TRPC6: variants seen among roughly 807,000 people sequenced by gnomAD.
The protein encoded by TRPC6 is short transient receptor potential channel 6.
A neutral mutation model predicts 90.7 loss-of-function variants in TRPC6; 55 were observed. The observed-to-expected ratio is 0.61, with a 90% CI of 0.49 to 0.76. TRPC6 has a LOEUF of 0.76. TRPC6 is among the 30% of genes least tolerant of loss of function. TRPC6 has a pLI of 0.00. For synonymous variants in TRPC6, 393 were observed against 393.0 expected (o/e 1.00, Z 0.00); for missense variants, 989 against 1,122.7 (o/e 0.88, Z 1.70).
intron 1 of TRPC6, among the ~76,000 whole-genome samples, chr11:101,530,145 C>T (rs1037072253): frequency 2.6e-5 from 4 of 152,178 alleles, no homozygotes; most frequent in Admixed American, 2.0e-4. Context: ...CTGGGAGACA[C>T]ACCCATCTGT....
intron 1 of TRPC6, among the ~76,000 whole-genome samples, chr11:101,572,723 T>C (rs1044877366): frequency 4.6e-5 from 7 of 152,000 alleles, no homozygotes; most frequent in Non-Finnish European, 7.4e-5. Flanking sequence ...ATGGATGAAG[T>C]TGGAAACCAT....
In TRPC6 at chr11:101,452,522, C is replaced by T; in HGVS notation, c.*433G>A. The stretch of plus-strand genomic sequence containing the variant: ...TAAAGGCCCATGGGCTACTTTTTCC[C>T]AAATTTCAGAGCTGGGAGTCCCCAG... On this transcript the variant is annotated 3_prime_UTR_variant, in exon 13 of 13. Transcript: ENST00000344327. 5.6e-6 allele frequency: 1 copy of T among 178,408 alleles called. No individual in the cohort carries two copies. The highest frequency in any genetic ancestry group is 2.7e-3 in the Middle Eastern group (1 of 368). The allele number at this position is 178,408 out of a possible 1,614,324, so 11.1% of individuals were successfully genotyped here.
intron 10 of TRPC6, among the ~76,000 whole-genome samples, chr11:101,463,770 G>A (rs185491817): frequency 6.6e-4 from 100 of 152,182 alleles, no homozygotes; most frequent in Middle Eastern, 3.4e-3. Context: ...TGCATTCACT[G>A]ATTTTTTTGA....
At position 101,453,597 on chromosome 11, in the gene TRPC6, G is replaced by GC; in HGVS notation, c.2644+52dup. 1.9e-6 allele frequency: 3 copies of GC among 1,542,112 alleles called. No individual in the cohort carries two copies. In the Middle Eastern group the frequency reaches 5.1e-4, roughly 261 times the overall value. ...CAGCTCTCCAGGCACTCTGCGCTAG[G>GC]CCCCCGTCCTGACTCACATTCAGGG... is the stretch of plus-strand genomic sequence containing the variant. On this transcript the variant is annotated intron_variant, in intron 12 of 12. Transcript: ENST00000344327.
At chr11:101,538,068 T>C (rs989203685) in intron 1 of TRPC6, among the ~76,000 whole-genome samples, 3 of 152,196 alleles carry the variant, frequency 2.0e-5, no homozygotes, top group African/African-American at 7.2e-5. Flanking sequence ...CTTTGCCTGT[T>C]CACAATTGTT....
At chr11:101,534,578 T>C (rs1262740889) in intron 1 of TRPC6, among the ~76,000 whole-genome samples, 1 of 151,142 alleles carries the variant, frequency 6.6e-6, no homozygotes, top group Non-Finnish European at 1.5e-5. Flanking sequence ...GACAAGGAAG[T>C]TTATTAAAAA....
Position 101,473,510 on chromosome 11 carries a change from T to TTG in TRPC6, c.2006_2007dup (p.Thr670GlnfsTer20). The TTG allele has an allele frequency of 6.2e-7, 1 of 1,613,126 alleles. No homozygotes were observed. The highest frequency in any genetic ancestry group is 8.5e-7 in the Non-Finnish European group (1 of 1,179,400). On this transcript the variant is annotated frameshift_variant and splice_region_variant, in exon 7 of 13. Coordinates refer to ENST00000344327, the MANE Select transcript of TRPC6 (RefSeq NM_004621.6). LOFTEE classifies it high-confidence loss of function. ...ATCAAAATATCTGAGATCACATACG[T>TTG]TGTGAAGGCTTCATTTTGTTTTGCA...
chr11:101,567,061 CGGGGCGGGGTG>C (rs1861850080), intron 1 of TRPC6, among the ~76,000 whole-genome samples: 1 of 65,988 alleles, frequency 1.5e-5, no homozygotes, highest in South Asian at 4.5e-4. Context: ...AAGTCTGGCT[CGGGGCGGGGTG>C]GGGGGGGTCC....
rs764087766 is a variant in TRPC6 at position 101,482,983 on chromosome 11, T to G, written c.1476A>C (p.Ser492=). ...AGGATATAATGAGCATCTCCATCCA[T>G]GAGAAGCAGGATGTTTTCATCCTGA... ...QLFRMKTSCF[S]WMEMLIISWV... Residue 492 remains serine, a synonymous_variant, in exon 5 of 13, where the codon TCA becomes TCC. Coordinates refer to ENST00000344327, the MANE Select transcript of TRPC6 (RefSeq NM_004621.6). The G allele has an allele frequency of 5.0e-6, 8 of 1,614,000 alleles. No individual in the cohort carries two copies. The East Asian group carries it at 6.7e-5, about 13-fold the overall frequency.
At chr11:101,496,334 G>A (rs1038270636) in intron 2 of TRPC6, among the ~76,000 whole-genome samples, 2 of 152,086 alleles carry the variant, frequency 1.3e-5, no homozygotes, top group Non-Finnish European at 2.9e-5. Context: ...TGCTTCTTGG[G>A]ACCAAGTGTA....
rs184230460 is a variant in TRPC6 at position 101,525,495 on chromosome 11, G to C, written c.171-20697C>G. 8.5e-5 allele frequency among the ~76,000 whole-genome samples: 13 copies of C among 152,314 alleles called. No individual in the cohort carries two copies. In the East Asian group the frequency reaches 2.1e-3, roughly 25 times the overall value. On this transcript the variant is annotated intron_variant, in intron 1 of 12. Coordinates refer to ENST00000344327, the MANE Select transcript of TRPC6 (RefSeq NM_004621.6). ...AGACTAGGACAACACTCATAGTTCT[G>C]GCTTGGATGAACAGATACAAACTGA...
chr11:101,511,492 G>C (rs917108488), intron 1 of TRPC6, among the ~76,000 whole-genome samples: 1 of 152,018 alleles, frequency 6.6e-6, no homozygotes, highest in Non-Finnish European at 1.5e-5. Flanking sequence ...GACTGCAAAC[G>C]ACTACAATGT....
chr11:101,471,174 C>A lies in TRPC6; in HGVS notation c.2409+9G>T. ...AAGAATACAATGATAACTTATCAAGCTAAGTTACCTTGTTCATCTCTGCAT... is the reference window on the plus strand; with the variant it reads ...AAGAATACAATGATAACTTATCAAGATAAGTTACCTTGTTCATCTCTGCAT... On this transcript the variant is annotated intron_variant, in intron 9 of 12. Transcript: ENST00000344327. 1.2e-6 allele frequency: 2 copies of A among 1,612,020 alleles called. No homozygotes were observed. The highest frequency in any genetic ancestry group is 1.3e-5 in the African/African-American group (1 of 74,908).
chr11:101,498,425 T>G (rs1373848797), intron 2 of TRPC6, among the ~76,000 whole-genome samples: 1 of 152,184 alleles, frequency 6.6e-6, no homozygotes. Context: ...CATCTAATTG[T>G]TAGATTTCTC....
At chr11:101,485,813 T>C (rs1320903619) in intron 4 of TRPC6, among the ~76,000 whole-genome samples, 3 of 152,108 alleles carry the variant, frequency 2.0e-5, no homozygotes, top group Non-Finnish European at 2.9e-5. Flanking sequence ...AATAAAGCTA[T>C]CTACCTTAGA....
At chr11:101,453,553 C>T in intron 12 of TRPC6, 97 bp downstream of exon 12, 1 of 1,174,492 alleles carries the variant, frequency 8.5e-7, no homozygotes, top group Middle Eastern at 2.0e-4. Context: ...GAAGTTCACT[C>T]TCCCTGTACG....
chr11:101,461,283 G>A (rs905261837), intron 10 of TRPC6, among the ~76,000 whole-genome samples: 1 of 151,344 alleles, frequency 6.6e-6, no homozygotes, highest in African/African-American at 2.4e-5. Flanking sequence ...AAATTGTTTG[G>A]GCCAGGCACG....
intron 1 of TRPC6, among the ~76,000 whole-genome samples, chr11:101,523,046 AG>A (rs1257317682): frequency 6.6e-6 from 1 of 152,334 alleles, no homozygotes; most frequent in East Asian, 1.9e-4. Context: ...GAATGGGCAA[AG>A]GACTTTTAGA....
intron 1 of TRPC6, among the ~76,000 whole-genome samples, chr11:101,534,742 T>C (rs1860995711): frequency 6.6e-6 from 1 of 152,216 alleles, no homozygotes; most frequent in South Asian, 2.1e-4. Context: ...CATAACTACT[T>C]CATAGCTGAG....
Sources: allele counts gnomAD v4.1 joint callset (sites outside exome capture counted in the v4.1 genomes callset), GRCh38; gene constraint gnomAD v4.1.1; transcripts MANE v1.5; gene names NCBI Gene and HGNC (gene_info 2026-07-23, HGNC 2026-07-21).